Variants in RALGPS1 observed in about 807,000 individuals in gnomAD.
RALGPS1 encodes the protein ras-specific guanine nucleotide-releasing factor RalGPS1.
A neutral mutation model predicts 78.8 loss-of-function variants in RALGPS1; 19 were observed. The observed-to-expected ratio is 0.24, with a 90% CI of 0.17 to 0.35. The LOEUF (loss-of-function observed/expected upper bound fraction) is 0.35, where lower values mean the gene tolerates loss of function less well. Among genes scored for constraint, RALGPS1 ranks in the 10% least tolerant of loss-of-function variants. RALGPS1 has a pLI of 1.00. For synonymous variants in RALGPS1, 228 were observed against 256.3 expected, an observed-to-expected ratio of 0.89 and a Z score of 1.06; for missense variants, 454 against 688.3, an observed-to-expected ratio of 0.66 and a Z score of 3.81.
chr9:127,002,536 A>C (rs2043430286), intron 4 of RALGPS1, among the ~76,000 whole-genome samples: 1 of 147,148 alleles, frequency 6.8e-6, no homozygotes, highest in African/African-American at 2.5e-5. Flanking sequence ...ATGCTGGTGC[A>C]CTGCACCCAC....
At chr9:127,025,736 G>C (rs2045908453) in intron 4 of RALGPS1, among the ~76,000 whole-genome samples, 1 of 151,586 alleles carries the variant, frequency 6.6e-6, no homozygotes, top group Non-Finnish European at 1.5e-5. Context: ...CTGTCATCCA[G>C]GCTGGAGTGT....
At chr9:127,125,513 A>T (rs1422295425) in intron 8 of RALGPS1, among the ~76,000 whole-genome samples, 1 of 152,178 alleles carries the variant, frequency 6.6e-6, no homozygotes, top group Non-Finnish European at 1.5e-5. Context: ...TACTGTGAGG[A>T]TTGAGTAAGA....
At chr9:126,918,106 A>G (rs1266276564) in intron 1 of RALGPS1, among the ~76,000 whole-genome samples, 7 of 152,238 alleles carry the variant, frequency 4.6e-5, no homozygotes, top group Admixed American at 1.3e-4. Flanking sequence ...TTTTATGCAT[A>G]TGGTTTCTGT....
chr9:127,165,337 G>A (rs1377909211), intron 8 of RALGPS1, among the ~76,000 whole-genome samples: 3 of 152,198 alleles, frequency 2.0e-5, no homozygotes, highest in African/African-American at 4.8e-5. Flanking sequence ...AATAGCCAGC[G>A]GCCCTTCCCC....
chr9:127,195,137 C>G lies in RALGPS1; in HGVS notation c.957C>G (p.Thr319=), dbSNP rs1479877223. ...SGSARFSRRP[T]CPDTSVAGSL... is the part of the protein sequence containing the mutation. Reference sequence around the variant, plus strand: ...CTGCGAGGTTCAGCCGGAGGCCCACCTGTCCTGACACATCTGTTGCTGGCA... The same window carrying G: ...CTGCGAGGTTCAGCCGGAGGCCCACGTGTCCTGACACATCTGTTGCTGGCA... The change falls in exon 12 of 19, where the codon ACC becomes ACG. Residue 319 remains threonine (T), a synonymous_variant. Coordinates refer to ENST00000259351, the MANE Select transcript of RALGPS1 (RefSeq NM_014636.3). 1.9e-6 allele frequency: 3 copies of G among 1,613,500 alleles called. No individual in the cohort carries two copies. Among genetic ancestry groups the G allele is most frequent in the East Asian group, 2.2e-5 (1 of 44,874 alleles).
At chr9:127,100,651 A>G (rs955425000) in intron 8 of RALGPS1, among the ~76,000 whole-genome samples, 1 of 152,170 alleles carries the variant, frequency 6.6e-6, no homozygotes, top group Non-Finnish European at 1.5e-5. Context: ...CCAGGGTTCC[A>G]CAGGCACACT....
At chr9:126,982,349 A>G (rs143491058) in intron 4 of RALGPS1, among the ~76,000 whole-genome samples, 163 of 152,322 alleles carry the variant, frequency 1.1e-3, no homozygotes, top group African/African-American at 3.8e-3. Flanking sequence ...TGCCCCAGCT[A>G]TGTGACCTTG....
At chr9:127,195,017 C>G (rs1374144374) in intron 11 of RALGPS1, 74 bp from the exon 12 acceptor site, 13 of 1,574,268 alleles carry the variant, frequency 8.3e-6, no homozygotes, top group Non-Finnish European at 1.1e-5. Flanking sequence ...CACCTCCACA[C>G]CTCAACCCAG....
chr9:126,952,507 G>A (rs765358960), intron 1 of RALGPS1, among the ~76,000 whole-genome samples: 8 of 152,142 alleles, frequency 5.3e-5, no homozygotes, highest in Non-Finnish European at 1.2e-4. Flanking sequence ...ATAACAGCAT[G>A]GCCATCCTTA....
intron 9 of RALGPS1, among the ~76,000 whole-genome samples, chr9:127,167,414 A>T (rs2059349431): frequency 6.6e-6 from 1 of 152,220 alleles, no homozygotes; most frequent in South Asian, 2.1e-4. Flanking sequence ...CAGCAGAGCA[A>T]CCACAGACAT....
In RALGPS1 at chr9:127,183,824, G is replaced by T. The variant is rs1362658304; in HGVS notation, c.910+9042G>T. 6.6e-7 allele frequency: 1 copy of T among 1,514,586 alleles called. No individual in the cohort carries two copies. The highest frequency in any genetic ancestry group is 2.0e-5 in the Admixed American group (1 of 49,880). The allele number at this position is 1,514,586 out of a possible 1,614,324, so 93.8% of individuals were successfully genotyped here. On this transcript the variant is annotated intron_variant, in intron 11 of 18. Coordinates refer to ENST00000259351, the MANE Select transcript of RALGPS1 (RefSeq NM_014636.3). This position sits in a 1 kb window ranked among gnomAD's most constrained non-coding sequence, Gnocchi z 4.0. Reference sequence around the variant, plus strand: ...GGACCTCAGGGATAGGAGGCCAGTTGTGGCCCATTACTCTGGGATTTCACA... The same window carrying T: ...GGACCTCAGGGATAGGAGGCCAGTTTTGGCCCATTACTCTGGGATTTCACA...
intron 8 of RALGPS1, among the ~76,000 whole-genome samples, chr9:127,112,098 G>A (rs756628735): frequency 2.6e-5 from 4 of 152,196 alleles, no homozygotes; most frequent in Non-Finnish European, 4.4e-5. Context: ...GCCTTGCTGA[G>A]CTGTTTTCCA....
intron 14 of RALGPS1, among the ~76,000 whole-genome samples, chr9:127,209,377 A>G (rs1292464852): frequency 6.6e-6 from 1 of 152,188 alleles, no homozygotes; most frequent in Non-Finnish European, 1.5e-5. Context: ...AATCATGGTT[A>G]TCTGCATGAG....
At position 127,045,758 on chromosome 9, in the gene RALGPS1, C is replaced by CAT. The variant is rs746591315; in HGVS notation, c.301-4284_301-4283insTA. On this transcript the variant is annotated intron_variant, in intron 5 of 18. Transcript: ENST00000259351. ...ACACACACACACACACACACACACACACATACACACACACACACACACACA... is the reference window on the plus strand; with the variant it reads ...ACACACACACACACACACACACACACATACATACACACACACACACACACACA... 6.8e-4 allele frequency among the ~76,000 whole-genome samples: 23 copies of CAT among 33,842 alleles called. No homozygotes were observed. In the East Asian group the frequency reaches 7.9e-3, roughly 12 times the overall value. 22.2% of individuals were successfully genotyped at this position (33,842 alleles called of 152,430 possible). A position where few individuals can be genotyped will look rare whatever the true frequency, so the allele number is the denominator to read the frequency against.
intron 18 of RALGPS1, among the ~76,000 whole-genome samples, chr9:127,215,130 A>G (rs1049571789): frequency 2.0e-5 from 3 of 152,110 alleles, no homozygotes; most frequent in African/African-American, 7.2e-5. Context: ...CTGTGATATC[A>G]CCCCAGGATC....
At chr9:126,980,629 G>A (rs1454026053) in intron 4 of RALGPS1, among the ~76,000 whole-genome samples, 3 of 152,204 alleles carry the variant, frequency 2.0e-5, no homozygotes, top group Non-Finnish European at 2.9e-5. Flanking sequence ...ACTGATAGCA[G>A]TTTGCTTTGT....
rs57087913 is a variant in RALGPS1 at position 126,965,722 on chromosome 9, T to C, written c.58-122T>C. The C allele has an allele frequency of 2.4e-3, 1,712 of 702,834 alleles. 28 individuals carry two copies. The African/African-American group carries it at 0.027, about 11-fold the overall frequency. The allele number at this position is 702,834 out of a possible 1,614,324, so 43.5% of individuals were successfully genotyped here. The stretch of plus-strand genomic sequence containing the variant: ...TGGACTGGGGTAAAGCTCTAATCAA[T>C]AGAAGCCATTTTTTATTGTACTATT... On this transcript the variant is annotated intron_variant, in intron 2 of 18. Coordinates refer to ENST00000259351, the MANE Select transcript of RALGPS1 (RefSeq NM_014636.3).
intron 18 of RALGPS1, among the ~76,000 whole-genome samples, chr9:127,216,646 T>C (rs1035782892): frequency 1.5e-4 from 23 of 152,214 alleles, no homozygotes; most frequent in African/African-American, 5.5e-4. Flanking sequence ...TATGTATAGT[T>C]TGTACACTGA....
chr9:127,188,615 T>C (rs1191553801), intron 11 of RALGPS1, among the ~76,000 whole-genome samples: 2 of 151,956 alleles, frequency 1.3e-5, no homozygotes, highest in African/African-American at 4.8e-5. Flanking sequence ...TGGGGTCTCT[T>C]TGTTAAGGTT....
Sources: allele counts gnomAD v4.1 joint callset (sites outside exome capture counted in the v4.1 genomes callset), GRCh38; gene constraint gnomAD v4.1.1; non-coding constraint Gnocchi (gnomAD v3.1); transcripts MANE v1.5; gene names NCBI Gene and HGNC (gene_info 2026-07-23, HGNC 2026-07-21).